Variants in POSTN observed in about 807,000 individuals in gnomAD.
POSTN encodes periostin, also known as osteoblast specific factor 2 (fasciclin I-like).
POSTN carries 71 observed loss-of-function variants against 104.5 expected under a neutral mutation model. The observed-to-expected ratio is 0.68, with a 90% confidence interval of 0.56 to 0.83. The LOEUF is 0.83. Among genes scored for constraint, POSTN ranks in the 40% least tolerant of loss-of-function variants. POSTN has a pLI of 0.00. For synonymous variants in POSTN, 355 were observed against 340.7 expected, an observed-to-expected ratio of 1.04 and a Z score of -0.46; for missense variants, 949 against 1,006.8, an observed-to-expected ratio of 0.94 and a Z score of 0.78.
At chr13:37,580,735 T>C in intron 10 of POSTN, 38 bp from the exon 11 acceptor site, 1 of 1,612,738 alleles carries the variant, frequency 6.2e-7, no homozygotes, top group Non-Finnish European at 8.5e-7. Context: ...GTCATTTTCC[T>C]TGCTTGAAAT....
chr13:37,598,600 T>G lies in POSTN; in HGVS notation c.119+8A>C. On this transcript the variant is annotated splice_region_variant and intron_variant, in intron 1 of 22. Coordinates refer to ENST00000379747, the MANE Select transcript of POSTN (RefSeq NM_006475.3). ...AAAATGGTTTATAAAACCAAACCAC[T>G]CACTTACCCTTGGTCCCGACCCCTG... 6.2e-7 allele frequency: 1 copy of G among 1,603,852 alleles called. No homozygotes were observed. The highest frequency in any genetic ancestry group is 1.1e-5 in the South Asian group (1 of 89,616).
chr13:37,591,737 G>A (rs1950940424), intron 3 of POSTN, among the ~76,000 whole-genome samples: 1 of 151,938 alleles, frequency 6.6e-6, no homozygotes, highest in African/African-American at 2.4e-5. Flanking sequence ...TCAATATAAA[G>A]AATATTATAA....
At chr13:37,579,717 G>A in intron 12 of POSTN, 144 bp downstream of exon 12, 1 of 925,654 alleles carries the variant, frequency 1.1e-6, no homozygotes, top group South Asian at 1.8e-5. Flanking sequence ...CACATCCCAA[G>A]TGGACGAAAT....
chr13:37,580,514 A>G (rs749581955), intron 11 of POSTN, 47 bp downstream of exon 11: 3 of 1,608,500 alleles, frequency 1.9e-6, no homozygotes, highest in Admixed American at 3.4e-5. Flanking sequence ...AAACAAAAAT[A>G]TGCCAATAGC....
chr13:37,583,034 C>T (rs538559473), intron 9 of POSTN, among the ~76,000 whole-genome samples: 1 of 152,062 alleles, frequency 6.6e-6, no homozygotes, highest in South Asian at 2.1e-4. Flanking sequence ...GTTTTTATAT[C>T]ACAATTTAGC....
At chr13:37,578,946 A>G in intron 14 of POSTN, 35 bp from the exon 15 acceptor site, 1 of 1,595,748 alleles carries the variant, frequency 6.3e-7, no homozygotes, top group Non-Finnish European at 8.5e-7. Context: ...TATTGGTAAG[A>G]AAGCATAAAA....
intron 16 of POSTN, among the ~76,000 whole-genome samples, chr13:37,574,952 C>T (rs546297400): frequency 3.9e-5 from 6 of 151,980 alleles, no homozygotes; most frequent in African/African-American, 1.4e-4. Context: ...AGCGCTTTAC[C>T]TTCTTTTGTA....
At chr13:37,571,613 T>A (rs767025835) in intron 17 of POSTN, 155 bp from the exon 18 acceptor site, 1 of 532,406 alleles carries the variant, frequency 1.9e-6, no homozygotes, top group East Asian at 3.3e-5. Flanking sequence ...TCCCATTGTC[T>A]TCAAATTAGA....
intron 11 of POSTN, 135 bp downstream of exon 11, chr13:37,580,426 C>A: frequency 3.0e-6 from 3 of 997,632 alleles, no homozygotes; most frequent in Non-Finnish European, 3.0e-6. Flanking sequence ...ATTTTGAAAA[C>A]ACTTGTATGA....
At position 37,571,018 on chromosome 13, in the gene POSTN, C is replaced by T. The variant is rs569327691; in HGVS notation, c.2180-349G>A. ...CCTAGTAGTGGAGTGGCTTATTAGA[C>T]AGAGACTTATACAATGGTCATTTTT... On this transcript the variant is annotated intron_variant, in intron 18 of 22. Coordinates refer to ENST00000379747, the MANE Select transcript of POSTN (RefSeq NM_006475.3). The T allele has an allele frequency of 1.5e-4, 43 of 289,496 alleles. No homozygotes were observed. The South Asian group carries it at 2.8e-3, about 19-fold the overall frequency. 17.9% of individuals were successfully genotyped at this position (289,496 alleles called of 1,614,324 possible). A position where few individuals can be genotyped will look rare whatever the true frequency, so the allele number is the denominator to read the frequency against.
chr13:37,564,749 G>A, intron 21 of POSTN, 189 bp from the exon 22 acceptor site: 1 of 418,586 alleles, frequency 2.4e-6, no homozygotes, highest in Non-Finnish European at 4.3e-6. Flanking sequence ...TAGACAGACA[G>A]TGTTTTCCAT....
At chr13:37,575,867 T>C (rs907592469) in intron 16 of POSTN, among the ~76,000 whole-genome samples, 11 of 152,308 alleles carry the variant, frequency 7.2e-5, no homozygotes, top group African/African-American at 2.6e-4. Flanking sequence ...TAGGTACTAG[T>C]TCCACAGGTG....
chr13:37,571,553 A>C, intron 17 of POSTN, 95 bp from the exon 18 acceptor site: 1 of 886,336 alleles, frequency 1.1e-6, no homozygotes, highest in Non-Finnish European at 1.7e-6. Context: ...GTGTGACTCA[A>C]CTCAAATGTC....
chr13:37,573,019 A>T (rs1346368986), intron 17 of POSTN, among the ~76,000 whole-genome samples: 1 of 151,532 alleles, frequency 6.6e-6, no homozygotes, highest in Non-Finnish European at 1.5e-5. Flanking sequence ...CCATGTAGAG[A>T]TGACCCGCCA....
chr13:37,569,925 G>T (rs916482994), intron 19 of POSTN, 104 bp from the exon 20 acceptor site: 1 of 735,498 alleles, frequency 1.4e-6, no homozygotes, highest in Non-Finnish European at 2.3e-6. Context: ...TGTAGTCTGT[G>T]TTGCCATTGT....
chr13:37,569,642 C>CAATAGATTGAGATAG, intron 20 of POSTN, 102 bp downstream of exon 20: 1 of 970,468 alleles, frequency 1.0e-6, no homozygotes. Context: ...TGGAAATGAA[C>CAATAGATTGAGATAG]AATAGATTGA....
chr13:37,570,172 T>C (rs113993554), intron 19 of POSTN, among the ~76,000 whole-genome samples: 1 of 151,980 alleles, frequency 6.6e-6, no homozygotes, highest in African/African-American at 2.4e-5. Flanking sequence ...ACTGAAAATA[T>C]TGATCAATTG....
chr13:37,586,750 A>T (rs1396117871), intron 6 of POSTN, 32 bp downstream of exon 6: 1 of 1,566,668 alleles, frequency 6.4e-7, no homozygotes, highest in African/African-American at 1.4e-5. Context: ...GAGGGATTTC[A>T]ATGACTCAAG....
At position 37,569,295 on chromosome 13, in the gene POSTN, C is replaced by T; in HGVS notation, c.2431+5G>A. ...AAGGGGGTTAGTTGTTGTCCTTTTA[C>T]TAACCTCCCTGAAGCAGTCTTTTAA... On this transcript the variant is annotated splice_donor_5th_base_variant and intron_variant, in intron 21 of 22. Transcript: ENST00000379747. The T allele has an allele frequency of 3.1e-6, 5 of 1,606,658 alleles. No homozygotes were observed. The highest frequency in any genetic ancestry group is 4.3e-6 in the Non-Finnish European group (5 of 1,173,874).
Sources: allele counts gnomAD v4.1 joint callset (sites outside exome capture counted in the v4.1 genomes callset), GRCh38; gene constraint gnomAD v4.1.1; transcripts MANE v1.5; gene names NCBI Gene and HGNC (gene_info 2026-07-23, HGNC 2026-07-21).